Variants in USP54 observed in about 807,000 individuals in gnomAD.
USP54 encodes ubiquitin carboxyl-terminal hydrolase 54.
In USP54, 87 loss-of-function variants were observed where a neutral mutation model predicts 170.5. The ratio of observed to expected loss-of-function variants is 0.51; its 90% CI spans 0.43 to 0.61. The LOEUF (loss-of-function observed/expected upper bound fraction) is 0.61, where lower values mean the gene tolerates loss of function less well. Among genes scored for constraint, USP54 ranks in the 20% least tolerant of loss-of-function variants. The pLI, the probability that USP54 is intolerant of heterozygous loss-of-function variation, is 0.00. For missense variants in USP54, 1,786 were observed against 2,047.8 expected (o/e 0.87, Z 2.47); for synonymous variants, 655 against 742.8 (o/e 0.88, Z 1.92).
At chr10:73,538,743 T>C (rs1399340873) in intron 10 of USP54, among the ~76,000 whole-genome samples, 1 of 151,962 alleles carries the variant, frequency 6.6e-6, no homozygotes, top group Non-Finnish European at 1.5e-5. Context: ...ACCTGGAAAA[T>C]AAAGGCTGCA....
At chr10:73,609,005 T>C (rs778273869) in intron 1 of USP54, among the ~76,000 whole-genome samples, 28 of 152,226 alleles carry the variant, frequency 1.8e-4, no homozygotes, top group Admixed American at 6.5e-5. Flanking sequence ...AAAGCTTAAT[T>C]TGGTAATTAC....
chr10:73,604,339 T>A (rs966105973), intron 1 of USP54, among the ~76,000 whole-genome samples: 4 of 152,150 alleles, frequency 2.6e-5, no homozygotes, highest in African/African-American at 9.7e-5. Flanking sequence ...TTGGTAAGAA[T>A]GTCAAATGGT....
chr10:73,523,516 T>C, intron 17 of USP54, 67 bp downstream of exon 17: 1 of 1,460,150 alleles, frequency 6.8e-7, no homozygotes, highest in Non-Finnish European at 9.2e-7. Context: ...ACTTACAAGC[T>C]TAGATGTTTT....
rs1205336607 is a variant in USP54 at position 73,575,599 on chromosome 10, T to C, written c.60A>G (p.Ala20=). 1 of 1,613,856 alleles carries C rather than the reference T, an allele frequency of 6.2e-7. No individual in the cohort carries two copies. Among genetic ancestry groups the C allele is most frequent in the East Asian group, 2.2e-5 (1 of 44,884 alleles). ...GGGCTATGGAGGTTGAGCTTCGAGG[T>C]GCAAACATCCCTTGTACACTACCAC... The part of the protein sequence containing the change: ...GGRGSVQGMF[A]PRSSTSIAPS... Residue 20 remains alanine, a synonymous_variant, in exon 3 of 24, where the codon GCA becomes GCG. Coordinates refer to ENST00000687698, the MANE Select transcript of USP54 (RefSeq NM_001391956.1).
At chr10:73,624,158 CCATATATATATATATATATA>C (rs1464649228) in intron 1 of USP54, among the ~76,000 whole-genome samples, 1 of 33,008 alleles carries the variant, frequency 3.0e-5, no homozygotes, top group Non-Finnish European at 6.6e-5. Context: ...TTTTTAAAAG[CCATATATATATATATATATA>C]TATATATATA....
intron 16 of USP54, 23 bp from the exon 17 acceptor site, chr10:73,523,773 G>A (rs1308669069): frequency 6.3e-7 from 1 of 1,592,948 alleles, no homozygotes. Context: ...CAAGGGAGAA[G>A]TCACCACATT....
At chr10:73,565,494 C>A (rs1475472925) in intron 4 of USP54, among the ~76,000 whole-genome samples, 2 of 151,972 alleles carry the variant, frequency 1.3e-5, no homozygotes, top group Admixed American at 1.3e-4. Context: ...CCAGCCTGGG[C>A]AACAGAACAA....
chr10:73,587,353 TG>T (rs2077620288), intron 1 of USP54, among the ~76,000 whole-genome samples: 1 of 152,060 alleles, frequency 6.6e-6, no homozygotes, highest in Admixed American at 6.5e-5. Context: ...CGAGCACCTG[TG>T]GTCCCAGCTA....
At chr10:73,600,089 CG>C (rs1396306509) in intron 1 of USP54, among the ~76,000 whole-genome samples, 6 of 151,942 alleles carry the variant, frequency 3.9e-5, no homozygotes, top group African/African-American at 1.2e-4. Flanking sequence ...TTAGTAGAGA[CG>C]GGGTTTCTCC....
At position 73,519,976 on chromosome 10, in the gene USP54, G is replaced by A. The variant is rs1239382191; in HGVS notation, c.2499C>T (p.Ala833=). The A allele has an allele frequency of 3.1e-6, 5 of 1,608,932 alleles. No individual in the cohort carries two copies. In the South Asian group the frequency reaches 4.4e-5, roughly 14 times the overall value. Residue 833 remains alanine (A), a synonymous_variant, in exon 19 of 24, where the codon GCC becomes GCT. Coordinates refer to ENST00000687698, the MANE Select transcript of USP54 (RefSeq NM_001391956.1). ...GCGTGCTACAGCTGGCACCATGCAGGGCAAGTCTTAGTTTAGCTAAAATGC... is the reference window on the plus strand; with the variant it reads ...GCGTGCTACAGCTGGCACCATGCAGAGCAAGTCTTAGTTTAGCTAAAATGC... ...CNEAISKLRL[A]LHGASCSTHS... is the part of the protein sequence containing the mutation.
At chr10:73,599,923 TAG>T (rs1297897445) in intron 1 of USP54, among the ~76,000 whole-genome samples, 1 of 142,366 alleles carries the variant, frequency 7.0e-6, no homozygotes, top group Non-Finnish European at 1.5e-5. Flanking sequence ...TTTTTTGAGA[TAG>T]AGTTTCGCTC....
rs536907772 is a variant in USP54 at position 73,548,583 on chromosome 10, C to T, written c.241-2911G>A. ...AATGAGTTCATGTCCTTTGCAGGGACATGGATGAAGCTGGAAGCCATCATT... is the reference window on the plus strand; with the variant it reads ...AATGAGTTCATGTCCTTTGCAGGGATATGGATGAAGCTGGAAGCCATCATT... On this transcript the variant is annotated intron_variant, in intron 4 of 23. Coordinates refer to ENST00000687698, the MANE Select transcript of USP54 (RefSeq NM_001391956.1). Among the ~76,000 whole-genome samples, 27 of 152,190 alleles carry T rather than the reference C, an allele frequency of 1.8e-4. 1 individual carries two copies. Among genetic ancestry groups the T allele is most frequent in the African/African-American group, 6.5e-4 (27 of 41,506 alleles).
intron 10 of USP54, chr10:73,537,750 A>G (rs1211664043): frequency 1.8e-5 from 2 of 109,410 alleles, no homozygotes; most frequent in African/African-American, 1.0e-4. Context: ...CAACACACAC[A>G]TTAAAAAAAA....
chr10:73,577,590 C>A (rs2076294565), intron 1 of USP54, among the ~76,000 whole-genome samples: 1 of 152,156 alleles, frequency 6.6e-6, no homozygotes, highest in Non-Finnish European at 1.5e-5. Context: ...ATATTCACAA[C>A]AGTCCTATCA....
At chr10:73,535,046 C>T (rs1013090556) in intron 11 of USP54, among the ~76,000 whole-genome samples, 5 of 152,146 alleles carry the variant, frequency 3.3e-5, no homozygotes, top group South Asian at 2.1e-4. Flanking sequence ...TAAAACCTAT[C>T]GGGGGAAAAG....
At chr10:73,569,464 T>C (rs1298520110) in intron 4 of USP54, among the ~76,000 whole-genome samples, 1 of 152,186 alleles carries the variant, frequency 6.6e-6, no homozygotes, top group Non-Finnish European at 1.5e-5. Context: ...ACCAATAATT[T>C]ATATTCTATA....
chr10:73,521,037 C>A lies in USP54; in HGVS notation c.2363-10G>T, dbSNP rs774836909. 21 of 1,613,304 alleles carry A rather than the reference C, an allele frequency of 1.3e-5. No homozygotes were observed. The highest frequency in any genetic ancestry group is 1.7e-5 in the Non-Finnish European group (20 of 1,180,022). On this transcript the variant is annotated splice_polypyrimidine_tract_variant and intron_variant, in intron 17 of 23. Coordinates refer to ENST00000687698, the MANE Select transcript of USP54 (RefSeq NM_001391956.1). Reference sequence around the variant, plus strand: ...AAGCCGTCACTCCTCCCTGAAAGGGCCAGCACTTTTCATTTTCATTACAAT... The same window carrying A: ...AAGCCGTCACTCCTCCCTGAAAGGGACAGCACTTTTCATTTTCATTACAAT...
At chr10:73,502,298 C>G (rs981572607) in intron 22 of USP54, among the ~76,000 whole-genome samples, 2 of 152,054 alleles carry the variant, frequency 1.3e-5, no homozygotes, top group Non-Finnish European at 2.9e-5. Flanking sequence ...TGTGACACAG[C>G]TAATTATTCC....
Position 73,516,495 on chromosome 10 carries a change from C to A in USP54, c.3931G>T (p.Asp1311Tyr). The change falls in exon 20 of 24, where the codon GAC (aspartate) becomes TAC (tyrosine). Residue 1311 changes from aspartate (D) to tyrosine (Y), a missense_variant. Transcript: ENST00000687698. ...HILLHPHWNQ[D>Y]TEQETSELES... ...AATTCTGAGGTCTCCTGCTCTGTGT[C>A]TTGGTTCCAATGTGGATGCAAAAGG... 6.2e-7 allele frequency: 1 copy of A among 1,614,174 alleles called. No individual in the cohort carries two copies. The highest frequency in any genetic ancestry group is 2.2e-5 in the East Asian group (1 of 44,886).
Sources: gnomAD v4.1 joint callset for allele counts (sites outside exome capture counted in the v4.1 genomes callset) on GRCh38, gnomAD v4.1.1 for gene constraint, MANE v1.5 for transcripts, NCBI Gene and HGNC (gene_info 2026-07-23, HGNC 2026-07-21) for gene names.